BCAS3: variants seen among roughly 807,000 people sequenced by gnomAD.
The protein encoded by BCAS3 is BCAS4/BCAS3 fusion.
Under a neutral mutation model 116.1 loss-of-function variants are expected in BCAS3, and 53 were observed. The observed-to-expected ratio is 0.46, with a 90% CI of 0.37 to 0.57. The LOEUF is 0.57. Among genes scored for constraint, BCAS3 ranks in the 20% least tolerant of loss-of-function variants. BCAS3 has a pLI of 0.00. For synonymous variants in BCAS3, 391 were observed against 408.2 expected (o/e 0.96, Z 0.51); for missense variants, 917 against 1,165.4 (o/e 0.79, Z 3.10).
chr17:60,888,456 C>A (rs1433026374), intron 9 of BCAS3, among the ~76,000 whole-genome samples: 2 of 152,270 alleles, frequency 1.3e-5, no homozygotes, highest in East Asian at 3.9e-4. Flanking sequence ...ATCCTCATTT[C>A]TCCAGCTCTG....
intron 22 of BCAS3, among the ~76,000 whole-genome samples, chr17:61,295,788 CT>C (rs1353545591): frequency 2.0e-5 from 3 of 146,818 alleles, no homozygotes; most frequent in Non-Finnish European, 4.5e-5. Flanking sequence ...CCCGTCTCTA[CT>C]AAAAAAAAAA....
At chr17:60,793,764 C>T (rs1568265164) in intron 6 of BCAS3, among the ~76,000 whole-genome samples, 1 of 150,170 alleles carries the variant, frequency 6.7e-6, no homozygotes, top group Non-Finnish European at 1.5e-5. Context: ...AATATTCCAT[C>T]ATATATATAT....
At position 61,365,517 on chromosome 17, in the gene BCAS3, C is replaced by T. The variant is rs1158013792; in HGVS notation, c.2426-2810C>T. 2.0e-5 allele frequency among the ~76,000 whole-genome samples: 3 copies of T among 152,006 alleles called. No individual in the cohort carries two copies. Among genetic ancestry groups the T allele is most frequent in the African/African-American group, 4.8e-5 (2 of 41,380 alleles). On this transcript the variant is annotated intron_variant, in intron 22 of 23. Coordinates refer to ENST00000407086, the MANE Select transcript of BCAS3 (RefSeq NM_017679.5). This position sits in a 1 kb window ranked among gnomAD's most constrained non-coding sequence, Gnocchi z 4.6. ...CCCAGCTAACTTTTGTATTTTTAGTCGAGATGGCGTTTCACCATGTTGTCC... is the reference window on the plus strand; with the variant it reads ...CCCAGCTAACTTTTGTATTTTTAGTTGAGATGGCGTTTCACCATGTTGTCC...
chr17:61,307,909 C>T lies in BCAS3; in HGVS notation c.2426-60418C>T, dbSNP rs2053971183. ...ACACAAATAATGTTACGTGAGCAAC[C>T]CCAAACAGTATACACCTTGACAATG... On this transcript the variant is annotated intron_variant, in intron 22 of 23. Coordinates refer to ENST00000407086, the MANE Select transcript of BCAS3 (RefSeq NM_017679.5). The surrounding 1 kb of genome is among the most constrained non-coding windows in gnomAD (Gnocchi z 4.7). 6.6e-6 allele frequency among the ~76,000 whole-genome samples: 1 copy of T among 151,674 alleles called. No individual in the cohort carries two copies. Among genetic ancestry groups the T allele is most frequent in the East Asian group, 1.9e-4 (1 of 5,180 alleles).
rs186195859 is a variant in BCAS3 at position 61,104,027 on chromosome 17, A to G, written c.2425+19463A>G. Among the ~76,000 whole-genome samples, 1 of 152,336 alleles carries G rather than the reference A, an allele frequency of 6.6e-6. No homozygotes were observed. The highest frequency in any genetic ancestry group is 1.9e-4 in the East Asian group (1 of 5,194). On this transcript the variant is annotated intron_variant, in intron 22 of 23. Coordinates refer to ENST00000407086, the MANE Select transcript of BCAS3 (RefSeq NM_017679.5). This position sits in a 1 kb window ranked among gnomAD's most constrained non-coding sequence, Gnocchi z 4.1. ...GCTCTTGTTGACCCATCTTTAAACC[A>G]AAGCTTTATAGCCTATTAGAAGCAC...
At chr17:60,764,078 C>T in intron 6 of BCAS3, among the ~76,000 whole-genome samples, 1 of 151,090 alleles carries the variant, frequency 6.6e-6, no homozygotes, top group East Asian at 1.9e-4. Flanking sequence ...CTATTTGATT[C>T]TTCTCTCTTT....
At chr17:60,907,251 T>C (rs926986616) in intron 11 of BCAS3, among the ~76,000 whole-genome samples, 2 of 152,338 alleles carry the variant, frequency 1.3e-5, no homozygotes, top group Middle Eastern at 3.4e-3. Context: ...ATAAAAAATA[T>C]TGAAATTGTT....
intron 13 of BCAS3, among the ~76,000 whole-genome samples, chr17:60,939,918 A>G (rs1450856622): frequency 2.6e-5 from 4 of 152,234 alleles, no homozygotes; most frequent in African/African-American, 9.6e-5. Flanking sequence ...CACTTTCTTA[A>G]ATATCTATTT....
intron 18 of BCAS3, among the ~76,000 whole-genome samples, chr17:61,040,462 C>T (rs2067413566): frequency 6.6e-6 from 1 of 152,124 alleles, no homozygotes; most frequent in African/African-American, 2.4e-5. Flanking sequence ...TCAGAAATTA[C>T]ATAAATTAGA....
intron 22 of BCAS3, among the ~76,000 whole-genome samples, chr17:61,149,260 T>C (rs1259886932): frequency 6.6e-6 from 1 of 152,156 alleles, no homozygotes; most frequent in Non-Finnish European, 1.5e-5. Flanking sequence ...TGCTTTCCGC[T>C]GGTAAGATCA....
chr17:60,690,062 T>C (rs1375648959), intron 4 of BCAS3, among the ~76,000 whole-genome samples: 3 of 152,208 alleles, frequency 2.0e-5, no homozygotes, highest in African/African-American at 7.2e-5. Flanking sequence ...TTTGGTCAGT[T>C]ATATAAGATT....
At chr17:60,828,025 GT>G (rs914179609) in intron 7 of BCAS3, among the ~76,000 whole-genome samples, 1 of 151,750 alleles carries the variant, frequency 6.6e-6, no homozygotes, top group Non-Finnish European at 1.5e-5. Context: ...CAAAACAATA[GT>G]TTTTTTTCAG....
rs1428496361 is a variant in BCAS3, at chr17:61,211,749, AAGTGTTATGCTTC to A, written c.2425+127187_2425+127199del. ...TTACACCAGTCTGTTCCCACACATG[AAGTGTTATGCTTC>A]AAATAACCGCTCAACAGCTCATCTG... On this transcript the variant is annotated intron_variant, in intron 22 of 23. Coordinates refer to ENST00000407086, the MANE Select transcript of BCAS3 (RefSeq NM_017679.5). This position sits in a 1 kb window ranked among gnomAD's most constrained non-coding sequence, Gnocchi z 4.4. Among the ~76,000 whole-genome samples, 1 of 152,196 alleles carries A rather than the reference AAGTGTTATGCTTC, an allele frequency of 6.6e-6. No homozygotes were observed. Among genetic ancestry groups the A allele is most frequent in the East Asian group, 1.9e-4 (1 of 5,174 alleles).
rs1372001598 is a variant in BCAS3 at position 61,392,113 on chromosome 17, T to A, written c.2730T>A (p.Thr910=). 1 of 1,613,138 alleles carries A rather than the reference T, an allele frequency of 6.2e-7. No individual in the cohort carries two copies. The highest frequency in any genetic ancestry group is 8.5e-7 in the Non-Finnish European group (1 of 1,179,818). The part of the protein sequence containing the change: ...NESQPLSLFP[T]GFP ...GCCAGCCCCTCAGCCTCTTCCCGACTGGCTTCCCGTAGGTACCAGCAACCT... is the reference window on the plus strand; with the variant it reads ...GCCAGCCCCTCAGCCTCTTCCCGACAGGCTTCCCGTAGGTACCAGCAACCT... The change falls in exon 24 of 24, where the codon ACT becomes ACA. Residue 910 remains threonine, a synonymous_variant. Transcript: ENST00000407086. This position sits in a 1 kb window ranked among gnomAD's most constrained non-coding sequence, Gnocchi z 6.4.
Position 61,346,832 on chromosome 17 carries a change from G to A in BCAS3, c.2426-21495G>A, listed in dbSNP as rs1306238144. On this transcript the variant is annotated intron_variant, in intron 22 of 23. Transcript: ENST00000407086. This position sits in a 1 kb window ranked among gnomAD's most constrained non-coding sequence, Gnocchi z 5.4. ...GCATGTGCTGTGGGGATGTGGTAGA[G>A]GGACTGGTTCCTCATCCAGGGTGAC... Among the ~76,000 whole-genome samples the A allele has an allele frequency of 6.6e-6, 1 of 152,214 alleles. No individual in the cohort carries two copies. Among genetic ancestry groups the A allele is most frequent in the African/African-American group, 2.4e-5 (1 of 41,452 alleles).
intron 6 of BCAS3, among the ~76,000 whole-genome samples, chr17:60,774,672 G>C (rs2045096637): frequency 6.6e-6 from 1 of 152,212 alleles, no homozygotes; most frequent in African/African-American, 2.4e-5. Context: ...GTCTAGAGCA[G>C]GGGTCTGTAG....
chr17:61,065,330 C>G lies in BCAS3; in HGVS notation c.2030-9590C>G, dbSNP rs951639024. Among the ~76,000 whole-genome samples the G allele has an allele frequency of 2.6e-5, 4 of 152,086 alleles. No individual in the cohort carries two copies. Among genetic ancestry groups the G allele is most frequent in the African/African-American group, 9.7e-5 (4 of 41,406 alleles). On this transcript the variant is annotated intron_variant, in intron 19 of 23. Transcript: ENST00000407086. This position sits in a 1 kb window ranked among gnomAD's most constrained non-coding sequence, Gnocchi z 4.8. ...TTTCTATACTAAGAAACTACATTCCCAAGCAGAATTTCATCCTTATATCCT... is the reference window on the plus strand; with the variant it reads ...TTTCTATACTAAGAAACTACATTCCGAAGCAGAATTTCATCCTTATATCCT...
rs1472001097 is a variant in BCAS3, at chr17:60,795,909, C to T, written c.404-12095C>T. On this transcript the variant is annotated intron_variant, in intron 6 of 23. Transcript: ENST00000407086. Reference sequence around the variant, plus strand: ...TTCACCATGTTGGCCAGGCTGCTCTCGAACTCCTGACCTCAAGTGATCCAC... The same window carrying T: ...TTCACCATGTTGGCCAGGCTGCTCTTGAACTCCTGACCTCAAGTGATCCAC... Among the ~76,000 whole-genome samples the T allele has an allele frequency of 3.9e-5, 6 of 152,136 alleles. No individual in the cohort carries two copies. The South Asian group carries it at 1.0e-3, about 26-fold the overall frequency.
intron 7 of BCAS3, among the ~76,000 whole-genome samples, chr17:60,822,957 A>G (rs1337310417): frequency 2.6e-5 from 4 of 152,208 alleles, no homozygotes; most frequent in Non-Finnish European, 5.9e-5. Flanking sequence ...CTTGCAGCCA[A>G]CTCAGAAGTA....
Sources: allele counts gnomAD v4.1 joint callset (sites outside exome capture counted in the v4.1 genomes callset), GRCh38; gene constraint gnomAD v4.1.1; non-coding constraint Gnocchi (gnomAD v3.1); transcripts MANE v1.5; gene names NCBI Gene and HGNC (gene_info 2026-07-23, HGNC 2026-07-21).